The following PDE3B variants were observed in gnomAD, a reference collection of about 807,000 sequenced individuals.
PDE3B encodes the protein phosphodiesterase 3B.
A neutral mutation model predicts 116.8 loss-of-function variants in PDE3B; 66 were observed. The observed-to-expected ratio is 0.56, with a 90% CI of 0.46 to 0.69. The LOEUF is 0.69. Ranked by LOEUF, PDE3B falls within the 30% of genes least tolerant of loss-of-function variation. PDE3B has a pLI of 0.00. For synonymous variants in PDE3B, 595 were observed against 533.6 expected (o/e 1.12, Z -1.59); for missense variants, 1,384 against 1,368.1 (o/e 1.01, Z -0.18).
At chr11:14,689,768 C>G (rs926232075) in intron 1 of PDE3B, among the ~76,000 whole-genome samples, 6 of 152,120 alleles carry the variant, frequency 3.9e-5, no homozygotes, top group African/African-American at 1.4e-4. Flanking sequence ...TAAATTTAAG[C>G]TCCAGGTTTG....
intron 1 of PDE3B, among the ~76,000 whole-genome samples, chr11:14,651,744 C>CA (rs1215893230): frequency 6.6e-6 from 1 of 152,170 alleles, no homozygotes; most frequent in Non-Finnish European, 1.5e-5. Context: ...GTCATGCCAA[C>CA]ACACTATATT....
intron 1 of PDE3B, among the ~76,000 whole-genome samples, chr11:14,726,029 C>A (rs1856297023): frequency 6.6e-6 from 1 of 152,096 alleles, no homozygotes; most frequent in Non-Finnish European, 1.5e-5. Context: ...TCCGCTATTC[C>A]TTGAAGATAT....
At chr11:14,831,887 G>C in intron 9 of PDE3B, 110 bp downstream of exon 9, 1 of 636,904 alleles carries the variant, frequency 1.6e-6, no homozygotes, top group Non-Finnish European at 2.6e-6. Context: ...CAATGACATT[G>C]TTCATTATTT....
chr11:14,806,326 T>C (rs892987281), intron 5 of PDE3B, among the ~76,000 whole-genome samples: 2 of 150,080 alleles, frequency 1.3e-5, no homozygotes, highest in Non-Finnish European at 3.0e-5. Flanking sequence ...CAGGCACCTG[T>C]AGTTGCAGCT....
At chr11:14,685,783 C>A (rs1408083358) in intron 1 of PDE3B, among the ~76,000 whole-genome samples, 3 of 152,058 alleles carry the variant, frequency 2.0e-5, no homozygotes, top group Admixed American at 6.6e-5. Flanking sequence ...AGTTTTATAT[C>A]ATCCTTGATA....
Position 14,644,181 on chromosome 11 carries a change from G to T in PDE3B, c.106G>T (p.Val36Leu). The change falls in exon 1 of 16, where the codon GTG (valine) becomes TTG (leucine). Residue 36 changes from valine (V) to leucine (L), a missense_variant. Physicochemically the swap from Val to Leu is conservative, Grantham distance 32 (BLOSUM62 1). Around this residue, in one of 2 missense-constraint regions of PDE3B, gnomAD observed 956 missense variants for 806.8 expected, o/e 1.18. Coordinates refer to ENST00000282096, the MANE Select transcript of PDE3B (RefSeq NM_000922.4). ...SLRNGYVKSC[V>L]SPLRQDPPRG... The stretch of plus-strand genomic sequence containing the variant: ...GAGGAACGGCTACGTGAAGAGCTGC[G>T]TGAGCCCCTTGCGGCAGGACCCTCC... 1.9e-6 allele frequency: 3 copies of T among 1,597,210 alleles called. No individual in the cohort carries two copies. The highest frequency in any genetic ancestry group is 1.1e-5 in the South Asian group (1 of 90,370).
rs1247985972 is a variant in PDE3B, at chr11:14,831,769, CTCAG to C, written c.2091_2094del (p.Ser697ArgfsTer24). On this transcript the variant is annotated frameshift_variant, in exon 9 of 16. Transcript: ENST00000282096. LOFTEE classifies it high-confidence loss of function. ...GATGGGAGAGAAATCAGGAAGGATT[CTCAG>C]TCAGGTTTGCTTTCAAATATCTACT... The C allele has an allele frequency of 6.2e-7, 1 of 1,600,522 alleles. No homozygotes were observed. Among genetic ancestry groups the C allele is most frequent in the Non-Finnish European group, 8.5e-7 (1 of 1,173,062 alleles).
intron 12 of PDE3B, among the ~76,000 whole-genome samples, chr11:14,853,717 A>G (rs1555005661): frequency 1.3e-5 from 2 of 152,216 alleles, no homozygotes. Context: ...TGTGCTAGAA[A>G]GATACAGGAG....
intron 1 of PDE3B, among the ~76,000 whole-genome samples, chr11:14,680,196 A>G (rs181667996): frequency 6.6e-6 from 1 of 152,306 alleles, no homozygotes; most frequent in East Asian, 1.9e-4. Context: ...CAGAGGTCCT[A>G]AGGCCTAGTA....
intron 4 of PDE3B, among the ~76,000 whole-genome samples, chr11:14,791,777 C>T (rs1858398356): frequency 6.6e-6 from 1 of 151,936 alleles, no homozygotes; most frequent in Admixed American, 6.6e-5. Flanking sequence ...GGTTCCAGGC[C>T]CCTCCCCTTC....
rs147471498 is a variant in PDE3B, at chr11:14,855,647, A to AAG, written c.2521-3380_2521-3379dup. ...AAATACATAAATAATGTGTGTGAGCAAGAGAGAGAGAGAGAGACAGAGACA... is the reference window on the plus strand; with the variant it reads ...AAATACATAAATAATGTGTGTGAGCAAGAGAGAGAGAGAGAGAGACAGAGACA... On this transcript the variant is annotated intron_variant, in intron 12 of 15. Coordinates refer to ENST00000282096, the MANE Select transcript of PDE3B (RefSeq NM_000922.4). 3.2e-4 allele frequency among the ~76,000 whole-genome samples: 48 copies of AAG among 150,078 alleles called. 1 individual carries two copies. Among genetic ancestry groups the AAG allele is most frequent in the Admixed American group, 7.3e-4 (11 of 15,094 alleles).
intron 1 of PDE3B, among the ~76,000 whole-genome samples, chr11:14,680,107 A>G (rs1039972104): frequency 2.0e-5 from 3 of 152,074 alleles, no homozygotes; most frequent in Non-Finnish European, 4.4e-5. Flanking sequence ...GACGTCTGAT[A>G]CTCTTAAGAC....
downstream of PDE3B, among the ~76,000 whole-genome samples, chr11:14,875,629 A>G (rs1408826973): frequency 6.6e-6 from 1 of 152,182 alleles, no homozygotes; most frequent in Admixed American, 6.5e-5. Context: ...GCAGCATTTT[A>G]TTTTTACCAC....
chr11:14,804,181 A>T (rs1858851185), intron 5 of PDE3B, 131 bp downstream of exon 5: 1 of 597,508 alleles, frequency 1.7e-6, no homozygotes, highest in Non-Finnish European at 3.0e-6. Flanking sequence ...ATGACTTAGC[A>T]GTTTGGGTTG....
At chr11:14,897,719 G>A in the PDE3B span, among the ~76,000 whole-genome samples, 1 of 152,140 alleles carries the variant, frequency 6.6e-6, no homozygotes, top group African/African-American at 2.4e-5. Context: ...TTCTGGGCCT[G>A]CAGGAGATGG....
intron 1 of PDE3B, among the ~76,000 whole-genome samples, chr11:14,761,209 A>G (rs951908386): frequency 3.9e-5 from 6 of 152,130 alleles, no homozygotes; most frequent in Non-Finnish European, 7.4e-5. Context: ...TTCATCATTG[A>G]AAGACTTTAA....
chr11:14,787,399 C>G (rs536685793), intron 3 of PDE3B, among the ~76,000 whole-genome samples: 81 of 152,048 alleles, frequency 5.3e-4, no homozygotes, highest in African/African-American at 1.9e-3. Context: ...TACTCAACCA[C>G]TTTATTCCAG....
chr11:14,789,371 G>C lies in PDE3B; in HGVS notation c.1415+129G>C, dbSNP rs970010078. ...GTATTTTAGGTATAGGACAACATGTGTAGTAATAATATGGTAAAATAGAGA... is the reference window on the plus strand; with the variant it reads ...GTATTTTAGGTATAGGACAACATGTCTAGTAATAATATGGTAAAATAGAGA... On this transcript the variant is annotated intron_variant, in intron 4 of 15. Transcript: ENST00000282096. 5 of 638,218 alleles carry C rather than the reference G, an allele frequency of 7.8e-6. No individual in the cohort carries two copies. The South Asian group carries it at 8.7e-5, about 11-fold the overall frequency. The allele number at this position is 638,218 out of a possible 1,614,324, so 39.5% of individuals were successfully genotyped here. A position where few individuals can be genotyped will look rare whatever the true frequency, so the allele number is the denominator to read the frequency against.
chr11:14,663,185 A>G (rs889978069), intron 1 of PDE3B, among the ~76,000 whole-genome samples: 1 of 152,186 alleles, frequency 6.6e-6, no homozygotes, highest in African/African-American at 2.4e-5. Flanking sequence ...TTTTCAACCC[A>G]GAATTTCATA....
Sources: gnomAD v4.1 joint callset for allele counts (sites outside exome capture counted in the v4.1 genomes callset) on GRCh38, gnomAD v4.1.1 for gene constraint, gnomAD v4.1.1 regional missense constraint, MANE v1.5 for transcripts, NCBI Gene and HGNC (gene_info 2026-07-23, HGNC 2026-07-21) for gene names.